The following PDE3A variants were observed in gnomAD, a reference collection of about 807,000 sequenced individuals.
PDE3A encodes cGMP-inhibited 3',5'-cyclic phosphodiesterase 3A.
A neutral mutation model predicts 98.3 loss-of-function variants in PDE3A; 43 were observed. The ratio of observed to expected loss-of-function variants is 0.44; its 90% CI spans 0.34 to 0.56. The LOEUF is 0.56. Among genes scored for constraint, PDE3A ranks in the 20% least tolerant of loss-of-function variants. The probability of loss-of-function intolerance (pLI) is 0.01; values close to 1 mark genes in which losing one functional copy is unlikely to be tolerated. For synonymous variants in PDE3A, 663 were observed against 567.9 expected, an observed-to-expected ratio of 1.17 and a Z score of -2.38; for missense variants, 1,427 against 1,440.7, an observed-to-expected ratio of 0.99 and a Z score of 0.15.
chr12:20,611,927 A>G (rs942938800), intron 2 of PDE3A, among the ~76,000 whole-genome samples: 4 of 151,842 alleles, frequency 2.6e-5, no homozygotes, highest in African/African-American at 4.8e-5. Context: ...ACTTATATGT[A>G]TCTCGGTTGT....
At chr12:20,665,510 AG>A (rs1291431285) in intron 15 of PDE3A, among the ~76,000 whole-genome samples, 1 of 152,206 alleles carries the variant, frequency 6.6e-6, no homozygotes, top group African/African-American at 2.4e-5. Flanking sequence ...AGATCTGTAC[AG>A]GTTTGTCCAA....
At chr12:20,517,006 G>A (rs998382348) in intron 1 of PDE3A, among the ~76,000 whole-genome samples, 3 of 152,170 alleles carry the variant, frequency 2.0e-5, no homozygotes, top group African/African-American at 7.2e-5. Flanking sequence ...AGAGCCCCAG[G>A]AGAGCACAAG....
At chr12:20,392,915 C>A (rs1720184125) in intron 1 of PDE3A, among the ~76,000 whole-genome samples, 1 of 151,770 alleles carries the variant, frequency 6.6e-6, no homozygotes, top group African/African-American at 2.4e-5. Flanking sequence ...ATGTGGGAGC[C>A]TAAAAAGTGG....
intron 2 of PDE3A, among the ~76,000 whole-genome samples, chr12:20,560,862 C>A (rs1024799629): frequency 6.6e-6 from 1 of 152,064 alleles, no homozygotes; most frequent in Non-Finnish European, 1.5e-5. Context: ...AACCCACCCC[C>A]ACCCCTACCC....
At chr12:20,465,708 C>A (rs953102486) in intron 1 of PDE3A, among the ~76,000 whole-genome samples, 1 of 151,956 alleles carries the variant, frequency 6.6e-6, no homozygotes, top group African/African-American at 2.4e-5. Context: ...CGTGCCCAGC[C>A]AGTACTTTTA....
chr12:20,657,951 A>G (rs986113726), intron 15 of PDE3A, among the ~76,000 whole-genome samples: 9 of 152,204 alleles, frequency 5.9e-5, no homozygotes, highest in African/African-American at 2.2e-4. Context: ...AGTGTTTGCT[A>G]CAACTGTGAT....
intron 1 of PDE3A, among the ~76,000 whole-genome samples, chr12:20,513,191 C>A (rs1161851454): frequency 6.6e-6 from 1 of 152,034 alleles, no homozygotes; most frequent in Non-Finnish European, 1.5e-5. Flanking sequence ...TAGAATCAAA[C>A]CATGTTTATA....
chr12:20,513,143 G>A (rs905848147), intron 1 of PDE3A, among the ~76,000 whole-genome samples: 6 of 152,104 alleles, frequency 3.9e-5, no homozygotes, highest in Middle Eastern at 3.4e-3. Context: ...TTTACATTTT[G>A]TCACATGCTA....
At chr12:20,401,167 G>A (rs188214827) in intron 1 of PDE3A, among the ~76,000 whole-genome samples, 2 of 152,156 alleles carry the variant, frequency 1.3e-5, no homozygotes, top group Non-Finnish European at 2.9e-5. Flanking sequence ...GTTTATGGCC[G>A]TATCACTTCG....
At chr12:20,485,796 GCT>G (rs1370408649) in intron 1 of PDE3A, among the ~76,000 whole-genome samples, 1 of 151,846 alleles carries the variant, frequency 6.6e-6, no homozygotes, top group Non-Finnish European at 1.5e-5. Context: ...ATGCATTTGT[GCT>G]CTTTTTTAAT....
chr12:20,534,408 A>G (rs1283947689), intron 1 of PDE3A, among the ~76,000 whole-genome samples: 1 of 152,208 alleles, frequency 6.6e-6, no homozygotes, highest in African/African-American at 2.4e-5. Flanking sequence ...CCTCTTCAAT[A>G]GGCGAGGTGA....
chr12:20,623,842 A>ATTTATGATG (rs1465158688), intron 5 of PDE3A, among the ~76,000 whole-genome samples: 2 of 152,136 alleles, frequency 1.3e-5, no homozygotes, highest in Non-Finnish European at 2.9e-5. Context: ...TCTAGAAAGA[A>ATTTATGATG]GAAGAAGAAG....
intron 1 of PDE3A, among the ~76,000 whole-genome samples, chr12:20,433,231 C>G (rs1295487703): frequency 6.6e-6 from 1 of 152,124 alleles, no homozygotes; most frequent in African/African-American, 2.4e-5. Context: ...AGACCTGTGA[C>G]ACTGGCTCAC....
chr12:20,503,498 A>C (rs1946060085), intron 1 of PDE3A, among the ~76,000 whole-genome samples: 1 of 152,240 alleles, frequency 6.6e-6, no homozygotes, highest in Non-Finnish European at 1.5e-5. Flanking sequence ...CCACAATAGA[A>C]AAATTCCATC....
At chr12:20,624,195 A>G (rs1944204752) in intron 5 of PDE3A, among the ~76,000 whole-genome samples, 1 of 152,172 alleles carries the variant, frequency 6.6e-6, no homozygotes, top group South Asian at 2.1e-4. Context: ...TGAGGATGAC[A>G]AATTGTCATA....
At chr12:20,438,737 G>A (rs1357463934) in intron 1 of PDE3A, among the ~76,000 whole-genome samples, 1 of 151,362 alleles carries the variant, frequency 6.6e-6, no homozygotes, top group African/African-American at 2.4e-5. Context: ...CATGATTCGT[G>A]GATTCTCTTG....
At chr12:20,463,022 T>G (rs1286903687) in intron 1 of PDE3A, among the ~76,000 whole-genome samples, 1 of 152,114 alleles carries the variant, frequency 6.6e-6, no homozygotes, top group East Asian at 1.9e-4. Context: ...TCCTCTTGTC[T>G]TGGCCCCCGC....
Position 20,646,546 on chromosome 12 carries a change from C to G in PDE3A, c.2308C>G (p.Gln770Glu). 6.2e-7 allele frequency: 1 copy of G among 1,610,926 alleles called. No homozygotes were observed. Among genetic ancestry groups the G allele is most frequent in the Non-Finnish European group, 8.5e-7 (1 of 1,177,076 alleles). The change falls in exon 11 of 16, where the codon CAG becomes GAG. Residue 770 changes from glutamine (Q) to glutamate (E), a missense_variant. By Grantham distance (29) the Gln-to-Glu change is conservative. Around this residue, in one of 3 missense-constraint regions of PDE3A, gnomAD observed 273 missense variants for 420.3 expected, o/e 0.65. Coordinates refer to ENST00000359062, the MANE Select transcript of PDE3A (RefSeq NM_000921.5). ...VLHAVWYLTT[Q>E]PIPGLSTVIN... is the part of the protein sequence containing the mutation. ...ACATGCTGTTTGGTATCTTACTACA[C>G]AGCCTATTCCAGGCCTCTCAACTGT...
chr12:20,614,272 A>G (rs960745131), intron 3 of PDE3A, among the ~76,000 whole-genome samples: 30 of 152,274 alleles, frequency 2.0e-4, no homozygotes, highest in Admixed American at 2.0e-3. Context: ...AATTACACAA[A>G]CATTCTTTTT....
Sources: gnomAD v4.1 joint callset for allele counts (sites outside exome capture counted in the v4.1 genomes callset) on GRCh38, gnomAD v4.1.1 for gene constraint, gnomAD v4.1.1 regional missense constraint, MANE v1.5 for transcripts, NCBI Gene and HGNC (gene_info 2026-07-23, HGNC 2026-07-21) for gene names.